MYH11: variants seen among roughly 807,000 people sequenced by gnomAD.
MYH11 encodes myosin heavy chain 11.
In MYH11, 80 loss-of-function variants were observed where a neutral mutation model predicts 246.6. The observed-to-expected ratio is 0.32, with a 90% CI of 0.27 to 0.39. MYH11 has a LOEUF of 0.39. Ranked by LOEUF, MYH11 falls within the 10% of genes least tolerant of loss-of-function variation. The pLI, the probability that MYH11 is intolerant of heterozygous loss-of-function variation, is 1.00. For synonymous variants in MYH11, 1,071 were observed against 1,015.5 expected, an observed-to-expected ratio of 1.05 and a Z score of -1.04; for missense variants, 2,158 against 2,546.8, an observed-to-expected ratio of 0.85 and a Z score of 3.29.
intron 38 of MYH11, 35 bp downstream of exon 38, chr16:15,717,105 C>T (rs1437577214): frequency 1.2e-6 from 2 of 1,610,358 alleles, no homozygotes; most frequent in South Asian, 2.2e-5. Context: ...CATCACCCCC[C>T]TGCAAACTGG....
rs111280346 is a variant in MYH11, at chr16:15,744,668, A to G, written c.2520+461T>C. Among the ~76,000 whole-genome samples, 290 of 151,508 alleles carry G rather than the reference A, an allele frequency of 1.9e-3. 4 individuals carry two copies. Among genetic ancestry groups the G allele is most frequent in the Middle Eastern group, 0.017 (5 of 288 alleles). On this transcript the variant is annotated intron_variant, in intron 20 of 40. Transcript: ENST00000300036. ...CAGGTGCCTGCCACCATACCCAGCT[A>G]ATTTTTGTATTTTAAGTAGAGACAG...
At position 15,798,565 on chromosome 16, in the gene MYH11, C is replaced by A. The variant is rs564036182; in HGVS notation, c.530+95G>T. ...CATGAACAAATCAAAGATCTCTGCACTCATGGATCTTTTCTTTCATAGGTT... is the reference window on the plus strand; with the variant it reads ...CATGAACAAATCAAAGATCTCTGCAATCATGGATCTTTTCTTTCATAGGTT... On this transcript the variant is annotated intron_variant, in intron 4 of 40. Transcript: ENST00000300036. 45 of 1,279,156 alleles carry A rather than the reference C, an allele frequency of 3.5e-5. No individual in the cohort carries two copies. The South Asian group carries it at 5.9e-4, about 17-fold the overall frequency. 79.2% of individuals were successfully genotyped at this position (1,279,156 alleles called of 1,614,324 possible).
At chr16:15,830,515 C>G (rs1229593979) in intron 2 of MYH11, among the ~76,000 whole-genome samples, 4 of 152,152 alleles carry the variant, frequency 2.6e-5, no homozygotes, top group Non-Finnish European at 4.4e-5. Context: ...AGACGCACAA[C>G]AGCCGGGGCC....
intron 27 of MYH11, among the ~76,000 whole-genome samples, chr16:15,727,948 G>T (rs1039622508): frequency 6.6e-6 from 1 of 152,202 alleles, no homozygotes; most frequent in South Asian, 2.1e-4. Context: ...TCCAGCCTGG[G>T]CAACAAAGTG....
chr16:15,706,910 C>T (rs1458567914), intron 40 of MYH11, among the ~76,000 whole-genome samples: 1 of 152,050 alleles, frequency 6.6e-6, no homozygotes, highest in Non-Finnish European at 1.5e-5. Context: ...CTGCAAGATA[C>T]TCTGTTTTGG....
chr16:15,717,776 A>T, intron 37 of MYH11: 1 of 276,926 alleles, frequency 3.6e-6, no homozygotes, highest in Non-Finnish European at 7.0e-6. Context: ...AGCCTGGGCC[A>T]CAGAGAGACC....
chr16:15,839,378 G>GT (rs1488437609), intron 1 of MYH11, among the ~76,000 whole-genome samples: 5 of 152,032 alleles, frequency 3.3e-5, no homozygotes, highest in Admixed American at 1.3e-4. Context: ...TGGTGCAAAC[G>GT]TAAGTGTGGT....
At chr16:15,807,221 G>C (rs1174695182) in intron 3 of MYH11, among the ~76,000 whole-genome samples, 1 of 152,050 alleles carries the variant, frequency 6.6e-6, no homozygotes, top group Non-Finnish European at 1.5e-5. Flanking sequence ...CCAAACTCCT[G>C]GCCTCAAGTG....
intron 2 of MYH11, among the ~76,000 whole-genome samples, chr16:15,827,504 G>A (rs2043603682): frequency 6.6e-6 from 1 of 152,236 alleles, no homozygotes; most frequent in Non-Finnish European, 1.5e-5. Flanking sequence ...GGGCCCAGGA[G>A]CAACATCCAG....
chr16:15,708,342 C>T (rs1294092468), intron 40 of MYH11, among the ~76,000 whole-genome samples: 3 of 152,154 alleles, frequency 2.0e-5, no homozygotes, highest in Admixed American at 6.5e-5. Flanking sequence ...CCAGACCAGC[C>T]AACTAGAAGC....
chr16:15,779,147 G>C (rs2042291295), intron 6 of MYH11: 2 of 473,504 alleles, frequency 4.2e-6, no homozygotes, highest in South Asian at 4.2e-5. Flanking sequence ...TTATTTATTA[G>C]AGACAAGGTT....
At position 15,719,270 on chromosome 16, in the gene MYH11, G is replaced by C. The variant is rs762146153; in HGVS notation, c.5121C>G (p.Asp1707Glu). 6.2e-7 allele frequency: 1 copy of C among 1,613,174 alleles called. No homozygotes were observed. The highest frequency in any genetic ancestry group is 8.5e-7 in the Non-Finnish European group (1 of 1,180,010). ...CCTCTGCCAGTTCCTCCTTCTCGAG[G>C]TCCGCTTGTTTGCGAGCCCTCTCAG... ...AAAERARKQA[D>E]LEKEELAEEL... Residue 1707 changes from aspartate (D) to glutamate (E), a missense_variant, in exon 36 of 41, where the codon GAC becomes GAG. This residue lies in a region of MYH11 where 1,013 missense variants were observed against 993.5 expected (regional missense o/e 1.02). Transcript: ENST00000300036.
At chr16:15,757,535 CA>C (rs2041759453) in intron 13 of MYH11, among the ~76,000 whole-genome samples, 1 of 87,108 alleles carries the variant, frequency 1.1e-5, no homozygotes, top group Non-Finnish European at 2.3e-5. Context: ...AAAAAAAAAG[CA>C]ATGGCAGAGA....
At chr16:15,824,113 CT>C (rs2043494333) in intron 2 of MYH11, among the ~76,000 whole-genome samples, 2 of 118,754 alleles carry the variant, frequency 1.7e-5, no homozygotes, top group South Asian at 4.8e-4. Context: ...ATATTAAATG[CT>C]CATCATTTAA....
At chr16:15,725,114 C>T (rs12927605) in intron 28 of MYH11, 122 bp from the exon 29 acceptor site, 5 of 757,610 alleles carry the variant, frequency 6.6e-6, no homozygotes, top group South Asian at 1.5e-5. Context: ...AGAAAATACC[C>T]GTGAGGTATG....
Position 15,703,492 on chromosome 16 carries a change from A to T in MYH11, c.*499T>A, listed in dbSNP as rs2039294185. On this transcript the variant is annotated 3_prime_UTR_variant, in exon 41 of 41. Coordinates refer to ENST00000300036, the MANE Select transcript of MYH11 (RefSeq NM_002474.3). The stretch of plus-strand genomic sequence containing the variant: ...AACTCAGTGTCTGCACAATCCATTG[A>T]TAGAACTGGAGGATGTGTCTGTGTT... 3.7e-6 allele frequency: 1 copy of T among 273,942 alleles called. No individual in the cohort carries two copies. Among genetic ancestry groups the T allele is most frequent in the Admixed American group, 4.7e-5 (1 of 21,278 alleles). 17.0% of individuals were successfully genotyped at this position (273,942 alleles called of 1,614,324 possible).
intron 2 of MYH11, among the ~76,000 whole-genome samples, chr16:15,825,436 A>G (rs1052568254): frequency 2.6e-5 from 4 of 151,226 alleles, no homozygotes; most frequent in African/African-American, 9.7e-5. Flanking sequence ...GATCACCTGT[A>G]GTCCCAGCTA....
intron 1 of MYH11, among the ~76,000 whole-genome samples, chr16:15,848,443 A>C (rs942218554): frequency 7.2e-5 from 11 of 152,050 alleles, no homozygotes; most frequent in African/African-American, 2.2e-4. Context: ...CATATTGGCC[A>C]GGCTGGTCTT....
intron 36 of MYH11, 22 bp from the exon 37 acceptor site, chr16:15,718,460 T>C (rs748073804): frequency 6.5e-7 from 1 of 1,543,180 alleles, no homozygotes; most frequent in Admixed American, 1.9e-5. Flanking sequence ...GCGGCCATGG[T>C]GGGGGCCTCT....
Sources: gnomAD v4.1 joint callset for allele counts (sites outside exome capture counted in the v4.1 genomes callset) on GRCh38, gnomAD v4.1.1 for gene constraint, gnomAD v4.1.1 regional missense constraint, MANE v1.5 for transcripts, NCBI Gene and HGNC (gene_info 2026-07-23, HGNC 2026-07-21) for gene names.